Variants in STARD13 observed in about 807,000 individuals in gnomAD.
STARD13 encodes the protein StAR related lipid transfer domain containing 13.
A neutral mutation model predicts 106.4 loss-of-function variants in STARD13; 62 were observed. The ratio of observed to expected loss-of-function variants is 0.58; its 90% CI spans 0.48 to 0.72. The LOEUF is 0.72. Among genes scored for constraint, STARD13 ranks in the 30% least tolerant of loss-of-function variants. The probability of loss-of-function intolerance (pLI) is 0.00; values close to 1 mark genes in which losing one functional copy is unlikely to be tolerated. For synonymous variants in STARD13, 565 were observed against 553.0 expected, an observed-to-expected ratio of 1.02 and a Z score of -0.31; for missense variants, 1,387 against 1,424.0, an observed-to-expected ratio of 0.97 and a Z score of 0.42.
intron 1 of STARD13, among the ~76,000 whole-genome samples, chr13:33,179,863 A>G (rs1259844711): frequency 6.6e-6 from 1 of 152,236 alleles, no homozygotes; most frequent in Non-Finnish European, 1.5e-5. Flanking sequence ...AAGGTTAGCC[A>G]CATGGTTCTG....
chr13:33,477,773 T>C, the STARD13 span, among the ~76,000 whole-genome samples: 2 of 151,722 alleles, frequency 1.3e-5, no homozygotes, highest in East Asian at 3.8e-4. Context: ...GAGAAGGTAC[T>C]GAAACCAGCC....
At chr13:33,481,983 GA>G in the STARD13 span, among the ~76,000 whole-genome samples, 110 of 92,972 alleles carry the variant, frequency 1.2e-3, no homozygotes, top group Middle Eastern at 8.3e-3. Context: ...ACTCCGTCTC[GA>G]AAAAAAAAAA....
At chr13:33,260,971 C>A (rs558497480) in intron 1 of STARD13, among the ~76,000 whole-genome samples, 9 of 152,302 alleles carry the variant, frequency 5.9e-5, no homozygotes, top group Middle Eastern at 3.4e-3. Flanking sequence ...TATTTAGATT[C>A]ATGCCTGTCT....
chr13:33,349,364 G>A (rs2078048466), intron 1 of STARD13: 1 of 642,600 alleles, frequency 1.6e-6, no homozygotes, highest in African/African-American at 1.8e-5. Flanking sequence ...CACTGCCCAG[G>A]AACTGTGCTG....
intron 1 of STARD13, among the ~76,000 whole-genome samples, chr13:33,284,787 T>C (rs1429116795): frequency 6.6e-6 from 1 of 152,112 alleles, no homozygotes; most frequent in Admixed American, 6.6e-5. Context: ...GGCTGGTATT[T>C]TGAGGGGCTG....
rs1873545626 is a variant in STARD13, at chr13:33,105,275, T to A, written c.*318A>T. 1 of 268,004 alleles carries A rather than the reference T, an allele frequency of 3.7e-6. No homozygotes were observed. Among genetic ancestry groups the A allele is most frequent in the Non-Finnish European group, 7.2e-6 (1 of 138,314 alleles). 16.6% of individuals were successfully genotyped at this position (268,004 alleles called of 1,614,324 possible). ...ATGCTATACATACATTTATTTACAGTTAGGTATACGCTTCTTAGAAGCCTT... is the reference window on the plus strand; with the variant it reads ...ATGCTATACATACATTTATTTACAGATAGGTATACGCTTCTTAGAAGCCTT... On this transcript the variant is annotated 3_prime_UTR_variant, in exon 14 of 14. Coordinates refer to ENST00000336934, the MANE Select transcript of STARD13 (RefSeq NM_178006.4).
chr13:33,546,097 G>C, the STARD13 span, among the ~76,000 whole-genome samples: 1 of 152,140 alleles, frequency 6.6e-6, no homozygotes, highest in Non-Finnish European at 1.5e-5. Context: ...AAATGATACT[G>C]TAGTTTACTT....
chr13:33,661,672 C>T, the STARD13 span, among the ~76,000 whole-genome samples: 1 of 152,110 alleles, frequency 6.6e-6, no homozygotes, highest in African/African-American at 2.4e-5. Flanking sequence ...CATCAGATCT[C>T]GTGAGAACTC....
the STARD13 span, among the ~76,000 whole-genome samples, chr13:33,633,625 T>C: frequency 4.6e-5 from 7 of 152,226 alleles, no homozygotes; most frequent in Non-Finnish European, 5.9e-5. Context: ...TTATATTTGA[T>C]TGCATCTTCT....
the STARD13 span, among the ~76,000 whole-genome samples, chr13:33,477,590 G>A: frequency 6.6e-6 from 1 of 152,180 alleles, no homozygotes; most frequent in African/African-American, 2.4e-5. Context: ...GCCATGATGG[G>A]ATGGGAGGTC....
chr13:33,445,736 A>G, the STARD13 span, among the ~76,000 whole-genome samples: 1 of 152,144 alleles, frequency 6.6e-6, no homozygotes, highest in South Asian at 2.1e-4. Context: ...TTGTATATAG[A>G]GAGATCACAG....
At chr13:33,447,102 A>G in the STARD13 span, among the ~76,000 whole-genome samples, 1 of 152,238 alleles carries the variant, frequency 6.6e-6, no homozygotes, top group Non-Finnish European at 1.5e-5. Context: ...AACTGATTAT[A>G]GACTTTTTCT....
the STARD13 span, among the ~76,000 whole-genome samples, chr13:33,580,546 TTTAG>T: frequency 6.6e-6 from 1 of 152,054 alleles, no homozygotes; most frequent in African/African-American, 2.4e-5. Flanking sequence ...ACTATGGACT[TTTAG>T]TTAATTATGT....
intron 1 of STARD13, among the ~76,000 whole-genome samples, chr13:33,267,675 C>T (rs1890964447): frequency 6.6e-6 from 1 of 152,226 alleles, no homozygotes; most frequent in Non-Finnish European, 1.5e-5. Flanking sequence ...AATAAATGCA[C>T]TTCATTTTCT....
intron 1 of STARD13, among the ~76,000 whole-genome samples, chr13:33,202,910 C>CA (rs913397300): frequency 1.2e-4 from 18 of 151,778 alleles, no homozygotes; most frequent in African/African-American, 4.4e-4. Flanking sequence ...CCTTTGAGAT[C>CA]AAAAAAGAGC....
chr13:33,608,038 T>C, the STARD13 span, among the ~76,000 whole-genome samples: 9 of 152,184 alleles, frequency 5.9e-5, no homozygotes, highest in Non-Finnish European at 1.3e-4. Context: ...GGCTTTGGAA[T>C]AGCTGGGACT....
At chr13:33,348,854 G>A in exon 2 of STARD13, 1 of 381,500 alleles carries the variant, frequency 2.6e-6, no homozygotes, top group South Asian at 3.2e-5. Flanking sequence ...TGTGGCCACT[G>A]TGTTGGAGAG....
chr13:33,373,526 G>A, the STARD13 span, among the ~76,000 whole-genome samples: 4 of 152,026 alleles, frequency 2.6e-5, no homozygotes, highest in Admixed American at 6.6e-5. Context: ...CGCCAATATG[G>A]TAGGAAATAT....
intron 1 of STARD13, among the ~76,000 whole-genome samples, chr13:33,297,664 A>G (rs548099381): frequency 2.5e-4 from 38 of 152,316 alleles, no homozygotes; most frequent in Admixed American, 6.5e-4. Flanking sequence ...AAAGATAATC[A>G]TGACCATTTT....
Sources: allele counts gnomAD v4.1 joint callset (sites outside exome capture counted in the v4.1 genomes callset), GRCh38; gene constraint gnomAD v4.1.1; transcripts MANE v1.5; gene names NCBI Gene and HGNC (gene_info 2026-07-23, HGNC 2026-07-21).